SDF4: variants seen among roughly 807,000 people sequenced by gnomAD.
SDF4 encodes the protein 45 kDa calcium-binding protein.
Under a neutral mutation model 34.2 loss-of-function variants are expected in SDF4, and 22 were observed. The ratio of observed to expected loss-of-function variants is 0.64; its 90% confidence interval spans 0.46 to 0.92. The LOEUF is 0.92. Ranked by LOEUF, SDF4 falls within the 40% of genes least tolerant of loss-of-function variation. The pLI is 0.00. For missense variants in SDF4, 447 were observed against 499.9 expected (o/e 0.89, Z 1.01); for synonymous variants, 236 against 203.1 (o/e 1.16, Z -1.38).
At position 1,217,821 on chromosome 1, in the gene SDF4, G is replaced by C; in HGVS notation, c.892-133C>G. 1 of 1,552,268 alleles carries C rather than the reference G, an allele frequency of 6.4e-7. No homozygotes were observed. The highest frequency in any genetic ancestry group is 8.7e-7 in the Non-Finnish European group (1 of 1,152,968). The stretch of plus-strand genomic sequence containing the variant: ...GGGCACGTTCTGGAAGGTTCCCGAA[G>C]GGAGGCGGCACAAATGAAAACACAG... On this transcript the variant is annotated intron_variant, in intron 6 of 6. Coordinates refer to ENST00000360001, the MANE Select transcript of SDF4 (RefSeq NM_016176.6). This position sits in a 1 kb window ranked among gnomAD's most constrained non-coding sequence, Gnocchi z 8.5.
chr1:1,217,739 C>A lies in SDF4; in HGVS notation c.892-51G>T, dbSNP rs144630443. Reference sequence around the variant, plus strand: ...GCGTCGCCTTTCCCCCTCCGAGCTCCGCGGCCAGCCGCACGAAGTGGCTAT... The same window carrying A: ...GCGTCGCCTTTCCCCCTCCGAGCTCAGCGGCCAGCCGCACGAAGTGGCTAT... On this transcript the variant is annotated intron_variant, in intron 6 of 6. Transcript: ENST00000360001. The surrounding 1 kb of genome is among the most constrained non-coding windows in gnomAD (Gnocchi z 8.5). 2.9e-5 allele frequency: 47 copies of A among 1,609,560 alleles called. No homozygotes were observed. Among genetic ancestry groups the A allele is most frequent in the Middle Eastern group, 3.3e-4 (2 of 6,054 alleles).
chr1:1,230,033 A>AGCAGGGGCTC (rs1553150850), intron 1 of SDF4, among the ~76,000 whole-genome samples: 4 of 152,262 alleles, frequency 2.6e-5, no homozygotes, highest in Non-Finnish European at 5.9e-5. Context: ...CCTGGTGGGA[A>AGCAGGGGCTC]GCAGGGGCTC....
At chr1:1,220,390 C>T (rs1424663507) in intron 4 of SDF4, 3 of 1,157,764 alleles carry the variant, frequency 2.6e-6, no homozygotes, top group Non-Finnish European at 3.2e-6. Context: ...GGACAGCAGC[C>T]CCCGGACTCA....
chr1:1,226,392 C>A (rs773178978), intron 2 of SDF4, among the ~76,000 whole-genome samples: 1 of 120,340 alleles, frequency 8.3e-6, no homozygotes, highest in Non-Finnish European at 1.8e-5. Flanking sequence ...TTCCAGAAAC[C>A]CTCAACCCTG....
chr1:1,223,786 G>GCCC, intron 3 of SDF4, 46 bp downstream of exon 3: 5 of 585,242 alleles, frequency 8.5e-6, no homozygotes, highest in East Asian at 6.0e-5. Flanking sequence ...CCATGGCCCT[G>GCCC]CCCGCCCCGC....
chr1:1,220,497 GC>G (rs1330061627), intron 4 of SDF4: 1 of 1,199,192 alleles, frequency 8.3e-7, no homozygotes, highest in Non-Finnish European at 1.1e-6. Context: ...GGACCCGGCA[GC>G]TGCTCTTCCT....
At chr1:1,227,717 G>A (rs924540615) in intron 2 of SDF4, among the ~76,000 whole-genome samples, 1 of 152,232 alleles carries the variant, frequency 6.6e-6, no homozygotes, top group Non-Finnish European at 1.5e-5. Context: ...TAAGGAGTAA[G>A]GCGCCCGTGC....
chr1:1,225,058 C>T (rs1240743373), intron 2 of SDF4, among the ~76,000 whole-genome samples: 1 of 152,204 alleles, frequency 6.6e-6, no homozygotes, highest in Admixed American at 6.5e-5. Flanking sequence ...ACGGGGCCAG[C>T]GCAGGCCAGG....
chr1:1,223,407 T>C (rs1190319645), intron 3 of SDF4, 50 bp from the exon 4 acceptor site: 1 of 1,314,146 alleles, frequency 7.6e-7, no homozygotes, highest in Non-Finnish European at 1.1e-6. Flanking sequence ...GAGCTGAACT[T>C]CCTTCTCAAC....
chr1:1,219,835 G>A, intron 4 of SDF4: 1 of 985,852 alleles, frequency 1.0e-6, no homozygotes, highest in Non-Finnish European at 1.2e-6. Context: ...CTCTGCCCTG[G>A]CCGAAGCCCC....
intron 1 of SDF4, among the ~76,000 whole-genome samples, chr1:1,230,917 T>C (rs1463261304): frequency 6.6e-6 from 1 of 152,236 alleles, no homozygotes; most frequent in Non-Finnish European, 1.5e-5. Flanking sequence ...AAACACACGC[T>C]GTGTGCAAAG....
rs1015421559 is a variant in SDF4 at position 1,231,890 on chromosome 1, A to G, written c.-175+2T>C. 9 of 151,974 alleles carry G rather than the reference A, an allele frequency of 5.9e-5. No individual in the cohort carries two copies. Among genetic ancestry groups the G allele is most frequent in the Non-Finnish European group, 1.0e-4 (7 of 67,948 alleles). The allele number at this position is 151,974 out of a possible 1,614,324, so 9.4% of individuals were successfully genotyped here. On this transcript the variant is annotated splice_donor_variant, in intron 1 of 6. Coordinates refer to ENST00000360001, the MANE Select transcript of SDF4 (RefSeq NM_016176.6). LOFTEE classifies it low-confidence loss of function (5UTR_SPLICE). Reference sequence around the variant, plus strand: ...AGCGGCCGTCCCGGGCCCCTCACTCACCGGTCTGCCTCCCCGCGCTCGGGA... The same window carrying G: ...AGCGGCCGTCCCGGGCCCCTCACTCGCCGGTCTGCCTCCCCGCGCTCGGGA...
chr1:1,230,237 C>T (rs1420797131), intron 1 of SDF4, among the ~76,000 whole-genome samples: 1 of 152,260 alleles, frequency 6.6e-6, no homozygotes, highest in Non-Finnish European at 1.5e-5. Context: ...TCTTATTCAG[C>T]TTCACTGTTC....
intron 2 of SDF4, among the ~76,000 whole-genome samples, chr1:1,224,728 T>C (rs927243254): frequency 5.9e-5 from 9 of 152,172 alleles, no homozygotes; most frequent in East Asian, 1.9e-4. Flanking sequence ...TTGGGCAACA[T>C]AGGGAGACCC....
Position 1,218,687 on chromosome 1 carries a change from T to C in SDF4, c.716-54A>G, listed in dbSNP as rs1329398473. ...CCCAGGCTGGGGCTCCCGCAGGACC[T>C]GCCCCGACCTCCCGACGATGCCCGG... On this transcript the variant is annotated intron_variant, in intron 5 of 6. Coordinates refer to ENST00000360001, the MANE Select transcript of SDF4 (RefSeq NM_016176.6). The surrounding 1 kb of genome is among the most constrained non-coding windows in gnomAD (Gnocchi z 7.9). 4.3e-6 allele frequency: 7 copies of C among 1,611,626 alleles called. No homozygotes were observed. The highest frequency in any genetic ancestry group is 5.1e-6 in the Non-Finnish European group (6 of 1,178,870).
chr1:1,222,050 C>A (rs1000840121), intron 4 of SDF4, among the ~76,000 whole-genome samples: 3 of 152,220 alleles, frequency 2.0e-5, no homozygotes, highest in Admixed American at 6.5e-5. Flanking sequence ...TAAGATACAC[C>A]CAGCCTGCCA....
Position 1,223,261 on chromosome 1 carries a change from A to G in SDF4, c.539T>C (p.Leu180Pro). 6.2e-7 allele frequency: 1 copy of G among 1,613,668 alleles called. No homozygotes were observed. Among genetic ancestry groups the G allele is most frequent in the Non-Finnish European group, 8.5e-7 (1 of 1,179,648 alleles). The stretch of plus-strand genomic sequence containing the variant: ...GCACTCACTTTCCTCATCCACTTTG[A>G]GTTCCTCGTTGAGCCTGATGGCGTC... Reference protein sequence around the residue: ...VADAIRLNEELKVDEETQEVL... With the variant: ...VADAIRLNEEPKVDEETQEVL... The change falls in exon 4 of 7, where the codon CTC (leucine) becomes CCC (proline). Residue 180 changes from leucine (L) to proline (P), a missense_variant. Physicochemically the swap from Leu to Pro is moderately conservative, Grantham distance 98 (BLOSUM62 -3). Transcript: ENST00000360001.
chr1:1,222,594 A>G (rs76056412), intron 4 of SDF4, among the ~76,000 whole-genome samples: 17,826 of 152,268 alleles, frequency 0.12, 1,190 homozygotes, highest in African/African-American at 0.18. Context: ...CCCTCTCCCC[A>G]GGAAACTCTG....
Position 1,218,662 on chromosome 1 carries a change from C to A in SDF4, c.716-29G>T. ...CGAGACGGGAATGGGTCAGCCCACA[C>A]CCAGGCTGGGGCTCCCGCAGGACCT... On this transcript the variant is annotated intron_variant, in intron 5 of 6. Coordinates refer to ENST00000360001, the MANE Select transcript of SDF4 (RefSeq NM_016176.6). This position sits in a 1 kb window ranked among gnomAD's most constrained non-coding sequence, Gnocchi z 7.9. The A allele has an allele frequency of 6.2e-7, 1 of 1,613,092 alleles. No homozygotes were observed. Among genetic ancestry groups the A allele is most frequent in the Non-Finnish European group, 8.5e-7 (1 of 1,179,586 alleles).
Sources: gnomAD v4.1 joint callset for allele counts (sites outside exome capture counted in the v4.1 genomes callset) on GRCh38, gnomAD v4.1.1 for gene constraint, Gnocchi (gnomAD v3.1) non-coding constraint, MANE v1.5 for transcripts, NCBI Gene and HGNC (gene_info 2026-07-23, HGNC 2026-07-21) for gene names.